RBM28: variants seen among roughly 807,000 people sequenced by gnomAD.
RBM28 encodes RNA binding motif protein 28, also known as RNA-binding protein 28.
Under a neutral mutation model 98.3 loss-of-function variants are expected in RBM28, and 78 were observed. The observed-to-expected ratio is 0.79, with a 90% confidence interval of 0.66 to 0.96. The LOEUF (loss-of-function observed/expected upper bound fraction) is 0.96, where lower values mean the gene tolerates loss of function less well. RBM28 is among the 40% of genes least tolerant of loss of function. The pLI is 0.00. For missense variants in RBM28, 838 were observed against 913.0 expected (o/e 0.92, Z 1.06); for synonymous variants, 306 against 330.9 (o/e 0.92, Z 0.82).
chr7:128,311,786 G>A (rs1795990919), intron 18 of RBM28, among the ~76,000 whole-genome samples: 4 of 152,128 alleles, frequency 2.6e-5, no homozygotes, highest in Non-Finnish European at 5.9e-5. Flanking sequence ...CATTTATCCT[G>A]TCTTTCCTAC....
At chr7:128,329,604 A>G (rs1036160381) in intron 10 of RBM28, among the ~76,000 whole-genome samples, 1 of 152,134 alleles carries the variant, frequency 6.6e-6, no homozygotes, top group African/African-American at 2.4e-5. Flanking sequence ...ACAATAAATT[A>G]AGAACTTAAC....
chr7:128,338,410 T>C (rs927312406), intron 4 of RBM28, 68 bp from the exon 5 acceptor site: 99 of 1,330,616 alleles, frequency 7.4e-5, no homozygotes, highest in Non-Finnish European at 9.8e-5. Flanking sequence ...AAGAAGTAAA[T>C]TACTGCAATT....
chr7:128,319,299 A>G (rs1037979156), intron 14 of RBM28, among the ~76,000 whole-genome samples: 1 of 152,234 alleles, frequency 6.6e-6, no homozygotes, highest in East Asian at 1.9e-4. Context: ...ATACATACAA[A>G]TAGGAAAGAA....
At chr7:128,341,117 C>A (rs1201030230) in intron 1 of RBM28, 2 of 1,274,820 alleles carry the variant, frequency 1.6e-6, no homozygotes, top group South Asian at 1.2e-5. Flanking sequence ...TCTGCCTTTA[C>A]CTGAAAAGGA....
Position 128,313,196 on chromosome 7 carries a change from CT to C in RBM28, c.2123del (p.Lys708SerfsTer82). The C allele has an allele frequency of 6.2e-7, 1 of 1,614,156 alleles. No individual in the cohort carries two copies. Among genetic ancestry groups the C allele is most frequent in the East Asian group, 2.2e-5 (1 of 44,886 alleles). ...KPQINQWKQE[K>X]QQLSSEQVSR... ...TCACCTGCTCGGACGATAATTGCTG[CT>C]TCTCCTGCTTCCACTGGTTTATCTG... On this transcript the variant is annotated frameshift_variant, in exon 18 of 19. Transcript: ENST00000223073. LOFTEE classifies it high-confidence loss of function.
At chr7:128,327,417 T>A (rs1164674242) in intron 10 of RBM28, among the ~76,000 whole-genome samples, 1 of 152,168 alleles carries the variant, frequency 6.6e-6, no homozygotes, top group Non-Finnish European at 1.5e-5. Context: ...TGGCTCATAC[T>A]CTAGAATCTC....
chr7:128,342,842 T>C (rs1796756730), intron 1 of RBM28, among the ~76,000 whole-genome samples: 1 of 152,182 alleles, frequency 6.6e-6, no homozygotes. Flanking sequence ...TGTTTTCTCT[T>C]CCTGAATTGT....
rs947616648 is a variant in RBM28, at chr7:128,302,802, T to C, written c.*7995A>G. 6.6e-6 allele frequency: 1 copy of C among 152,206 alleles called. No individual in the cohort carries two copies. Among genetic ancestry groups the C allele is most frequent in the Non-Finnish European group, 1.5e-5 (1 of 68,052 alleles). The allele number at this position is 152,206 out of a possible 1,614,324, so 9.4% of individuals were successfully genotyped here. On this transcript the variant is annotated 3_prime_UTR_variant, in exon 19 of 19. Coordinates refer to ENST00000223073, the MANE Select transcript of RBM28 (RefSeq NM_018077.3). ...TTTTATTATTTTTTTAGACAGGGTA[T>C]CACGCTGTTGCCCAGGTTGGAGTAC...
At position 128,337,125 on chromosome 7, in the gene RBM28, T is replaced by A; in HGVS notation, c.613+6A>T. 6.2e-7 allele frequency: 1 copy of A among 1,613,906 alleles called. No individual in the cohort carries two copies. Among genetic ancestry groups the A allele is most frequent in the South Asian group, 1.1e-5 (1 of 91,080 alleles). On this transcript the variant is annotated splice_donor_region_variant and intron_variant, in intron 6 of 18. Transcript: ENST00000223073. ...CCCCTACTCACCCAACACTACCACA[T>A]CTTACCTATAGCAGAAACAGACTGT...
rs1456377186 is a variant in RBM28, at chr7:128,318,051, A to G, written c.1619T>C (p.Leu540Pro). 3 of 1,614,088 alleles carry G rather than the reference A, an allele frequency of 1.9e-6. No homozygotes were observed. Among genetic ancestry groups the G allele is most frequent in the Non-Finnish European group, 1.7e-6 (2 of 1,179,880 alleles). ...TTGGAACTCCGCAAAGGCGTAGCCC[A>G]GGGACTGACCCTTCATGTTCCCATG... ...GVHGNMKGQS[L>P]GYAFAEFQEH... The change falls in exon 15 of 19, where the codon CTG becomes CCG. Residue 540 changes from leucine to proline, a missense_variant. Physicochemically the swap from Leu to Pro is moderately conservative, Grantham distance 98. Coordinates refer to ENST00000223073, the MANE Select transcript of RBM28 (RefSeq NM_018077.3).
intron 11 of RBM28, 89 bp from the exon 12 acceptor site, chr7:128,324,783 G>A: frequency 6.4e-7 from 1 of 1,570,790 alleles, no homozygotes. Flanking sequence ...GGAGGCTGAG[G>A]CAGGTGGATC....
At chr7:128,316,407 T>C (rs972593956) in intron 16 of RBM28, among the ~76,000 whole-genome samples, 2 of 152,078 alleles carry the variant, frequency 1.3e-5, no homozygotes, top group Non-Finnish European at 2.9e-5. Flanking sequence ...ATAAAGTAAT[T>C]TGGATGTTAA....
chr7:128,319,225 G>A (rs550788155), intron 14 of RBM28, among the ~76,000 whole-genome samples: 1 of 152,240 alleles, frequency 6.6e-6, no homozygotes, highest in South Asian at 2.1e-4. Flanking sequence ...CACTGTAAGG[G>A]AATCAAGAGA....
Position 128,308,997 on chromosome 7 carries a change from T to C in RBM28, c.*1800A>G, listed in dbSNP as rs377554041. Reference sequence around the variant, plus strand: ...CTCAAAAAAAAAAAAAAAAAAGAAATAACCATATCTCTAGCTCAGCAATGG... The same window carrying C: ...CTCAAAAAAAAAAAAAAAAAAGAAACAACCATATCTCTAGCTCAGCAATGG... On this transcript the variant is annotated 3_prime_UTR_variant, in exon 19 of 19. Coordinates refer to ENST00000223073, the MANE Select transcript of RBM28 (RefSeq NM_018077.3). 1.7e-5 allele frequency: 1 copy of C among 60,014 alleles called. No individual in the cohort carries two copies. The highest frequency in any genetic ancestry group is 3.7e-5 in the Non-Finnish European group (1 of 27,146). 3.7% of individuals were successfully genotyped at this position (60,014 alleles called of 1,614,324 possible).
chr7:128,321,579 T>C (rs1214810895), intron 13 of RBM28, among the ~76,000 whole-genome samples, 155 bp from the exon 14 acceptor site: 2 of 152,072 alleles, frequency 1.3e-5, no homozygotes, highest in Admixed American at 6.5e-5. Context: ...CAATGCCTAG[T>C]ATAGGGAAAG....
chr7:128,311,841 T>C (rs1161771065), intron 18 of RBM28, among the ~76,000 whole-genome samples: 2 of 152,166 alleles, frequency 1.3e-5, no homozygotes, highest in Non-Finnish European at 2.9e-5. Context: ...AAAGGAAGAT[T>C]TTTCTTTCTA....
intron 17 of RBM28, among the ~76,000 whole-genome samples, chr7:128,314,323 G>A (rs1241218836): frequency 2.0e-5 from 3 of 152,046 alleles, no homozygotes; most frequent in Non-Finnish European, 4.4e-5. Flanking sequence ...TGGAAGAACT[G>A]AATAATACAC....
Position 128,305,952 on chromosome 7 carries a change from T to C in RBM28, c.*4845A>G. 6.6e-6 allele frequency: 1 copy of C among 152,244 alleles called. No homozygotes were observed. The highest frequency in any genetic ancestry group is 1.9e-4 in the East Asian group (1 of 5,192). The allele number at this position is 152,244 out of a possible 1,614,324, so 9.4% of individuals were successfully genotyped here. ...TCGGCATCTCTTCAGGAGATGACTG[T>C]CTGGTACATCCTTTACCACCATTAT... On this transcript the variant is annotated 3_prime_UTR_variant, in exon 19 of 19. Coordinates refer to ENST00000223073, the MANE Select transcript of RBM28 (RefSeq NM_018077.3).
Position 128,315,725 on chromosome 7 carries a change from C to T in RBM28, c.1789-705G>A, listed in dbSNP as rs1036812329. On this transcript the variant is annotated intron_variant, in intron 16 of 18. Transcript: ENST00000223073. ...AAATTTTTAAAAGAAAAAAAAATCACCAACCTACAATCCTGTATCCGATAA... is the reference window on the plus strand; with the variant it reads ...AAATTTTTAAAAGAAAAAAAAATCATCAACCTACAATCCTGTATCCGATAA... Among the ~76,000 whole-genome samples the T allele has an allele frequency of 5.6e-4, 85 of 152,026 alleles. 1 individual carries two copies. The highest frequency in any genetic ancestry group is 6.3e-4 in the Non-Finnish European group (43 of 67,988).
Sources: allele counts gnomAD v4.1 joint callset (sites outside exome capture counted in the v4.1 genomes callset), GRCh38; gene constraint gnomAD v4.1.1; transcripts MANE v1.5; gene names NCBI Gene and HGNC (gene_info 2026-07-23, HGNC 2026-07-21).